The following MTO1 variants were observed in gnomAD, a reference collection of about 807,000 sequenced individuals.
The protein encoded by MTO1 is 5-taurinomethyluridine-[tRNA] synthase subunit MTO1, mitochondrial.
In MTO1, 46 loss-of-function variants were observed where a neutral mutation model predicts 71.6. That is an observed-to-expected ratio of 0.64 (90% confidence interval 0.51 to 0.82). The LOEUF is 0.82. Ranked by LOEUF, MTO1 falls within the 40% of genes least tolerant of loss-of-function variation. The pLI, the probability that MTO1 is intolerant of heterozygous loss-of-function variation, is 0.00. For missense variants in MTO1, 773 were observed against 867.5 expected (o/e 0.89, Z 1.37); for synonymous variants, 297 against 312.1 (o/e 0.95, Z 0.51).
chr6:73,493,350 A>ATGTGTGTGTGTG (rs1169202264), intron 10 of MTO1, among the ~76,000 whole-genome samples: 3 of 46,422 alleles, frequency 6.5e-5, no homozygotes, highest in South Asian at 1.3e-3. Context: ...TGAAATGTGC[A>ATGTGTGTGTGTG]TGTATGTGTG....
rs138575099 is a variant in MTO1, at chr6:73,471,633, G to A, written c.536-1732G>A. Reference sequence around the variant, plus strand: ...GGGTCTCACTATGTTGCCAGGACTGGTCTTGAACCCCAGGGCTCCAGTGAT... The same window carrying A: ...GGGTCTCACTATGTTGCCAGGACTGATCTTGAACCCCAGGGCTCCAGTGAT... On this transcript the variant is annotated intron_variant, in intron 3 of 11. Transcript: ENST00000498286. The A allele has an allele frequency of 4.5e-3, 1,025 of 228,934 alleles. 4 individuals carry two copies. The highest frequency in any genetic ancestry group is 8.5e-3 in the Middle Eastern group (5 of 586). 14.2% of individuals were successfully genotyped at this position (228,934 alleles called of 1,614,324 possible).
chr6:73,479,731 G>C lies in MTO1; in HGVS notation c.826-1G>C, dbSNP rs1049351611. ...TATTGCATCTGGTTACTGTTTTTTAGCCAGAAGATCAGCTGCCATGTTACT... is the reference window on the plus strand; with the variant it reads ...TATTGCATCTGGTTACTGTTTTTTACCCAGAAGATCAGCTGCCATGTTACT... On this transcript the variant is annotated splice_acceptor_variant, in intron 4 of 11. Transcript: ENST00000498286. LOFTEE classifies it high-confidence loss of function. 1.0e-5 allele frequency: 16 copies of C among 1,605,578 alleles called. No homozygotes were observed. Among genetic ancestry groups the C allele is most frequent in the Non-Finnish European group, 1.4e-5 (16 of 1,175,658 alleles).
rs1289313735 is a variant in MTO1 at position 73,505,847 on chromosome 6, A to T, written c.*5112A>T. ...ATTACAGGGGTGAGCCACCATGCCCAGTCCAGAATTTCAAGTTTTGCAAGA... is the reference window on the plus strand; with the variant it reads ...ATTACAGGGGTGAGCCACCATGCCCTGTCCAGAATTTCAAGTTTTGCAAGA... On this transcript the variant is annotated 3_prime_UTR_variant, in exon 12 of 12. Transcript: ENST00000498286. 6.6e-6 allele frequency: 1 copy of T among 152,196 alleles called. No individual in the cohort carries two copies. The highest frequency in any genetic ancestry group is 1.5e-5 in the Non-Finnish European group (1 of 68,046). 9.4% of individuals were successfully genotyped at this position (152,196 alleles called of 1,614,324 possible). A position where few individuals can be genotyped will look rare whatever the true frequency, so the allele number is the denominator to read the frequency against.
chr6:73,482,348 G>A, intron 8 of MTO1, 101 bp from the exon 9 acceptor site: 1 of 1,547,944 alleles, frequency 6.5e-7, no homozygotes. Context: ...GAGGCCAGGA[G>A]TTTAGGACTA....
Position 73,484,367 on chromosome 6 carries a change from T to C in MTO1, c.1637+1747T>C, listed in dbSNP as rs1771595858. Among the ~76,000 whole-genome samples, 10 of 152,194 alleles carry C rather than the reference T, an allele frequency of 6.6e-5. No individual in the cohort carries two copies. In the South Asian group the frequency reaches 2.1e-3, roughly 32 times the overall value. On this transcript the variant is annotated intron_variant, in intron 9 of 11. Transcript: ENST00000498286. ...AAGATCAAGGCACCAGCAGATTAGGTGTCTGGTGAGGGCTTGCTGTTTGCT... is the reference window on the plus strand; with the variant it reads ...AAGATCAAGGCACCAGCAGATTAGGCGTCTGGTGAGGGCTTGCTGTTTGCT...
chr6:73,490,639 A>G (rs1465081830), intron 9 of MTO1, among the ~76,000 whole-genome samples: 1 of 151,864 alleles, frequency 6.6e-6, no homozygotes, highest in Non-Finnish European at 1.5e-5. Flanking sequence ...AAGGCCTCTA[A>G]CCATGTTCTT....
chr6:73,467,894 C>T (rs938726669), intron 3 of MTO1, among the ~76,000 whole-genome samples: 1 of 152,090 alleles, frequency 6.6e-6, no homozygotes, highest in African/African-American at 2.4e-5. Flanking sequence ...GATATCGGCT[C>T]ACCACAACCT....
At chr6:73,492,428 T>A in intron 10 of MTO1, 76 bp downstream of exon 10, 2 of 1,011,934 alleles carry the variant, frequency 2.0e-6, no homozygotes. Context: ...CCATTATTAC[T>A]GTTGGACCAG....
chr6:73,479,080 G>T (rs964476562), intron 4 of MTO1, among the ~76,000 whole-genome samples: 9 of 149,692 alleles, frequency 6.0e-5, no homozygotes, highest in Non-Finnish European at 1.3e-4. Context: ...GTAGAGACAG[G>T]ATTTCACCAT....
chr6:73,500,969 T>G lies in MTO1; in HGVS notation c.*234T>G, dbSNP rs1377863317. 3.1e-6 allele frequency: 1 copy of G among 321,474 alleles called. No homozygotes were observed. The highest frequency in any genetic ancestry group is 2.1e-5 in the African/African-American group (1 of 46,992). The allele number at this position is 321,474 out of a possible 1,614,324, so 19.9% of individuals were successfully genotyped here. On this transcript the variant is annotated 3_prime_UTR_variant, in exon 12 of 12. Coordinates refer to ENST00000498286, the MANE Select transcript of MTO1 (RefSeq NM_012123.4). ...AGGAGCTGTAATACAAATAACTTTG[T>G]GCAGTGTTCATCAAAGAGAGAGACA...
In MTO1 at chr6:73,479,999, G is replaced by A. The variant is rs2150035828; in HGVS notation, c.1002G>A (p.Leu334=). ...CAAACCGTCTACATCAGGTTTGGTT[G>A]GAACCTGAAGGAATGGATTCTGACC... ...RFPNRLHQVW[L]EPEGMDSDLI... is the part of the protein sequence containing the mutation. Residue 334 remains leucine, a synonymous_variant, in exon 6 of 12, where the codon TTG becomes TTA. Transcript: ENST00000498286. 3.7e-6 allele frequency: 6 copies of A among 1,614,062 alleles called. No homozygotes were observed. Among genetic ancestry groups the A allele is most frequent in the South Asian group, 1.1e-5 (1 of 91,064 alleles).
In MTO1 at chr6:73,503,840, TA is replaced by T. The variant is rs755461380; in HGVS notation, c.*3106del. ...TGGCCTTGAAAATGAAGTTCCTTTA[TA>T]GCCAAGAGCTTAAATTTTGTTACTG... On this transcript the variant is annotated 3_prime_UTR_variant, in exon 12 of 12. Transcript: ENST00000498286. 1.3e-5 allele frequency: 2 copies of T among 152,260 alleles called. No homozygotes were observed. The highest frequency in any genetic ancestry group is 1.3e-4 in the Admixed American group (2 of 15,284). The allele number at this position is 152,260 out of a possible 1,614,324, so 9.4% of individuals were successfully genotyped here.
In MTO1 at chr6:73,473,537, G is replaced by A. The variant is rs763276365; in HGVS notation, c.708G>A (p.Lys236=). 8 of 1,614,030 alleles carry A rather than the reference G, an allele frequency of 5.0e-6. No individual in the cohort carries two copies. Among genetic ancestry groups the A allele is most frequent in the Non-Finnish European group, 5.9e-6 (7 of 1,180,020 alleles). ...EKLGFVVGRL[K]TGTPPRIAKE... is the part of the protein sequence containing the mutation. ...TAGGGTTTGTGGTGGGAAGGTTGAA[G>A]ACTGGGACTCCACCCCGAATTGCCA... The change falls in exon 4 of 12, where the codon AAG becomes AAA. Residue 236 remains lysine (K), a synonymous_variant. Transcript: ENST00000498286.
At chr6:73,462,319 C>T in intron 1 of MTO1, 3 of 558,022 alleles carry the variant, frequency 5.4e-6, no homozygotes, top group Non-Finnish European at 9.6e-6. Flanking sequence ...GGTTGGGGTT[C>T]GGGGTCAGTG....
intron 4 of MTO1, among the ~76,000 whole-genome samples, 184 bp from the exon 5 acceptor site, chr6:73,479,548 G>C (rs1169627125): frequency 2.0e-5 from 3 of 152,070 alleles, no homozygotes; most frequent in Non-Finnish European, 4.4e-5. Flanking sequence ...TTAGAGTTTT[G>C]CTTAAATTTA....
Position 73,466,542 on chromosome 6 carries a change from T to A in MTO1, c.471T>A (p.Asp157Glu), listed in dbSNP as rs1208243386. ...LLTVQEGAVEDLILTEPEPEH... is the reference protein window; with the variant it reads ...LLTVQEGAVEELILTEPEPEH... ...CTGTTCAGGAGGGAGCTGTAGAAGATCTTATTCTTACAGAACCAGAGCCTG... is the reference window on the plus strand; with the variant it reads ...CTGTTCAGGAGGGAGCTGTAGAAGAACTTATTCTTACAGAACCAGAGCCTG... Residue 157 changes from aspartate (D) to glutamate (E), a missense_variant, in exon 3 of 12, where the codon GAT becomes GAA. Coordinates refer to ENST00000498286, the MANE Select transcript of MTO1 (RefSeq NM_012123.4). 11 of 1,614,068 alleles carry A rather than the reference T, an allele frequency of 6.8e-6. No homozygotes were observed. Among genetic ancestry groups the A allele is most frequent in the Non-Finnish European group, 9.3e-6 (11 of 1,180,048 alleles).
intron 10 of MTO1, among the ~76,000 whole-genome samples, chr6:73,494,845 T>A (rs905426448): frequency 2.0e-5 from 3 of 149,116 alleles, no homozygotes; most frequent in African/African-American, 7.4e-5. Flanking sequence ...AGTGATGCAA[T>A]CTGAATTCAC....
At chr6:73,493,085 C>T (rs564992389) in intron 10 of MTO1, among the ~76,000 whole-genome samples, 17 of 149,494 alleles carry the variant, frequency 1.1e-4, no homozygotes, top group African/African-American at 3.9e-4. Context: ...ACCTCTCCCT[C>T]CCGGGTTCAA....
chr6:73,495,631 C>T (rs748940183), intron 10 of MTO1, among the ~76,000 whole-genome samples: 29 of 151,594 alleles, frequency 1.9e-4, no homozygotes, highest in Non-Finnish European at 3.1e-4. Context: ...ACCTGAATCC[C>T]TCCACTAGAC....
Sources: gnomAD v4.1 joint callset for allele counts (sites outside exome capture counted in the v4.1 genomes callset) on GRCh38, gnomAD v4.1.1 for gene constraint, MANE v1.5 for transcripts, NCBI Gene and HGNC (gene_info 2026-07-23, HGNC 2026-07-21) for gene names.